Variants in ANTXRL observed in about 807,000 individuals in gnomAD.
ANTXRL encodes ANTXR like, also known as anthrax toxin receptor-like.
ANTXRL carries 63 observed loss-of-function variants against 75.4 expected under a neutral mutation model. That is an observed-to-expected ratio of 0.84 (90% CI 0.68 to 1.03). ANTXRL has a LOEUF of 1.03. Among genes scored for constraint, ANTXRL ranks in the 50% least tolerant of loss-of-function variants. The pLI is 0.00. For missense variants in ANTXRL, 797 were observed against 789.4 expected (o/e 1.01, Z -0.12); for synonymous variants, 335 against 291.3 (o/e 1.15, Z -1.53).
At chr10:46,288,726 G>A (rs1224033132) in intron 1 of ANTXRL, among the ~76,000 whole-genome samples, 4 of 152,132 alleles carry the variant, frequency 2.6e-5, no homozygotes, top group Non-Finnish European at 5.9e-5. Flanking sequence ...GGTCAGAGGC[G>A]ATGACAGAGG....
In ANTXRL at chr10:46,296,248, C is replaced by T. The variant is rs1192984458; in HGVS notation, c.504C>T (p.Ser168=). The T allele has an allele frequency of 4.0e-5, 62 of 1,535,686 alleles. No individual in the cohort carries two copies. The highest frequency in any genetic ancestry group is 1.2e-4 in the African/African-American group (9 of 72,984). Residue 168 remains serine, a synonymous_variant, in exon 5 of 17, where the codon TCC becomes TCT. Transcript: ENST00000620264. Reference sequence around the variant, plus strand: ...TTCAACAGATCGAAAGTTTCAACTCCGGAAGTAAGCACCTGCCGTCCCCCT... The same window carrying T: ...TTCAACAGATCGAAAGTTTCAACTCTGGAAGTAAGCACCTGCCGTCCCCCT... The part of the protein sequence containing the change: ...KAIQQIESFN[S]GNKVPSMIIA...
chr10:46,323,353 T>C (rs1395594088), intron 16 of ANTXRL, among the ~76,000 whole-genome samples: 1 of 152,166 alleles, frequency 6.6e-6, no homozygotes. Flanking sequence ...AGGCCACTAT[T>C]TCCAATACTG....
intron 14 of ANTXRL, 90 bp downstream of exon 14, chr10:46,310,589 C>T (rs1838362798): frequency 2.2e-6 from 3 of 1,335,974 alleles, no homozygotes; most frequent in African/African-American, 2.9e-5. Flanking sequence ...GCCCCATGAT[C>T]TCCATCTGCT....
intron 9 of ANTXRL, among the ~76,000 whole-genome samples, chr10:46,301,540 T>C (rs187512823): frequency 2.0e-5 from 3 of 152,232 alleles, no homozygotes; most frequent in African/African-American, 7.2e-5. Context: ...TGGAGTGAGG[T>C]GGGCCTCGGA....
At chr10:46,290,999 C>T (rs1227379572) in intron 1 of ANTXRL, among the ~76,000 whole-genome samples, 2 of 151,872 alleles carry the variant, frequency 1.3e-5, no homozygotes, top group African/African-American at 4.8e-5. Flanking sequence ...GTGCCATATC[C>T]AAAAAAATCC....
chr10:46,328,320 A>G (rs1839326255), intron 16 of ANTXRL, among the ~76,000 whole-genome samples: 1 of 152,096 alleles, frequency 6.6e-6, no homozygotes, highest in African/African-American at 2.4e-5. Flanking sequence ...TCTGAGAAAG[A>G]TTGTTATCTA....
chr10:46,300,510 T>C (rs1363443753), intron 9 of ANTXRL, among the ~76,000 whole-genome samples: 22 of 151,982 alleles, frequency 1.4e-4, no homozygotes, highest in East Asian at 1.9e-4. Flanking sequence ...TTGACAGGCA[T>C]CTCCCTCTCC....
At position 46,287,095 on chromosome 10, in the gene ANTXRL, T is replaced by TG. The variant is rs1836794789; in HGVS notation, c.-164dup. The TG allele has an allele frequency of 9.2e-6, 8 of 868,068 alleles. No individual in the cohort carries two copies. The South Asian group carries it at 1.1e-4, about 12-fold the overall frequency. The allele number at this position is 868,068 out of a possible 1,614,324, so 53.8% of individuals were successfully genotyped here. A position where few individuals can be genotyped will look rare whatever the true frequency, so the allele number is the denominator to read the frequency against. ...GCTGCTGACCCTAGTCCCTGCGATC[T>TG]GGGGAGGTACCTGGTGGAGGGCCAT... On this transcript the variant is annotated 5_prime_UTR_variant, in exon 1 of 17. Transcript: ENST00000620264.
Position 46,309,040 on chromosome 10 carries a change from G to C in ANTXRL, c.1045-73G>C, listed in dbSNP as rs1373704967. 4 of 1,530,884 alleles carry C rather than the reference G, an allele frequency of 2.6e-6. No individual in the cohort carries two copies. The African/African-American group carries it at 5.5e-5, about 21-fold the overall frequency. The allele number at this position is 1,530,884 out of a possible 1,614,324, so 94.8% of individuals were successfully genotyped here. On this transcript the variant is annotated intron_variant, in intron 12 of 16. Coordinates refer to ENST00000620264, the MANE Select transcript of ANTXRL (RefSeq NM_001278688.3). ...AGCTAGGGAGAGTGAGGAGTGGGCA[G>C]ATGGGCCACCAAGTGGTGGGCACGG...
chr10:46,293,964 G>C, intron 3 of ANTXRL, 64 bp downstream of exon 3: 2 of 1,459,992 alleles, frequency 1.4e-6, no homozygotes, highest in Non-Finnish European at 1.8e-6. Context: ...GCTCCAGGGA[G>C]CTGAAGGGCT....
intron 10 of ANTXRL, among the ~76,000 whole-genome samples, chr10:46,305,327 G>A (rs1554961604): frequency 6.6e-6 from 1 of 152,192 alleles, no homozygotes; most frequent in African/African-American, 2.4e-5. Context: ...ATAACAAACA[G>A]AGAGAGTGTC....
intron 16 of ANTXRL, among the ~76,000 whole-genome samples, chr10:46,322,654 T>C (rs1214586745): frequency 6.6e-6 from 1 of 152,138 alleles, no homozygotes; most frequent in Non-Finnish European, 1.5e-5. Context: ...GATGCAGAGC[T>C]TTTAATAGTA....
intron 12 of ANTXRL, chr10:46,308,419 CCTCCCCTCCTCTCCA>C (rs1838225849): frequency 2.8e-6 from 1 of 354,240 alleles, no homozygotes. Context: ...CCTCCCCTCC[CCTCCCCTCCTCTCCA>C]CTCCCCTCCC....
chr10:46,327,904 C>A (rs1464782850), intron 16 of ANTXRL, among the ~76,000 whole-genome samples: 2 of 152,298 alleles, frequency 1.3e-5, no homozygotes, highest in African/African-American at 4.8e-5. Context: ...GGCTGCTGCT[C>A]CTGCCCTGGT....
In ANTXRL at chr10:46,309,337, A is replaced by G. The variant is rs117684658; in HGVS notation, c.1134+135A>G. ...AGCTCCCAGCTCATCACGTGAGCCC[A>G]GGGAGTCGCAGACCTGTCCACACGT... On this transcript the variant is annotated intron_variant, in intron 13 of 16. Coordinates refer to ENST00000620264, the MANE Select transcript of ANTXRL (RefSeq NM_001278688.3). 2,165 of 1,462,876 alleles carry G rather than the reference A, an allele frequency of 1.5e-3. 44 individuals are homozygous for G. In the East Asian group the frequency reaches 0.042, roughly 28 times the overall value. The allele number at this position is 1,462,876 out of a possible 1,614,324, so 90.6% of individuals were successfully genotyped here.
chr10:46,294,730 G>A (rs1837260735), intron 3 of ANTXRL, among the ~76,000 whole-genome samples: 1 of 152,134 alleles, frequency 6.6e-6, no homozygotes, highest in South Asian at 2.1e-4. Flanking sequence ...GGACTGTGGC[G>A]AGTGACCCAG....
intron 1 of ANTXRL, 143 bp from the exon 2 acceptor site, chr10:46,291,915 C>T: frequency 2.8e-6 from 2 of 709,060 alleles, no homozygotes; most frequent in Non-Finnish European, 4.8e-6. Context: ...GATCCAGTGG[C>T]CACTGGGGGT....
chr10:46,308,635 C>T (rs1248613800), intron 12 of ANTXRL: 1 of 349,734 alleles, frequency 2.9e-6, no homozygotes, highest in African/African-American at 2.2e-5. Context: ...CACAAGTGCC[C>T]CCAGGGAGGG....
chr10:46,323,583 G>A (rs1839078638), intron 16 of ANTXRL, among the ~76,000 whole-genome samples: 1 of 152,158 alleles, frequency 6.6e-6, no homozygotes, highest in South Asian at 2.1e-4. Context: ...AACAAGCTCG[G>A]ATGAAGCTTC....
Sources: allele counts gnomAD v4.1 joint callset (sites outside exome capture counted in the v4.1 genomes callset), GRCh38; gene constraint gnomAD v4.1.1; transcripts MANE v1.5; gene names NCBI Gene and HGNC (gene_info 2026-07-23, HGNC 2026-07-21).